FSTL1: variants seen among roughly 807,000 people sequenced by gnomAD.
FSTL1 encodes the protein follistatin-related protein 1.
A neutral mutation model predicts 45.9 loss-of-function variants in FSTL1; 24 were observed. The observed-to-expected ratio is 0.52, with a 90% CI of 0.38 to 0.74. The LOEUF (loss-of-function observed/expected upper bound fraction) is 0.74, where lower values mean the gene tolerates loss of function less well. Among genes scored for constraint, FSTL1 ranks in the 30% least tolerant of loss-of-function variants. The probability of loss-of-function intolerance (pLI) is 0.00; values close to 1 mark genes in which losing one functional copy is unlikely to be tolerated. For missense variants in FSTL1, 340 were observed against 381.8 expected (o/e 0.89, Z 0.91); for synonymous variants, 120 against 137.6 (o/e 0.87, Z 0.89).
At chr3:120,434,281 A>G (rs936173325) in intron 2 of FSTL1, among the ~76,000 whole-genome samples, 1 of 152,204 alleles carries the variant, frequency 6.6e-6, no homozygotes, top group African/African-American at 2.4e-5. Context: ...TCCTGGGTAC[A>G]TAAGTTGATA....
In FSTL1 at chr3:120,411,003, A is replaced by G; in HGVS notation, c.299-19T>C. ...TTCTTCTCTGCAAGACAAAAAGAGAAAACGTGTAATGCGAAGTGAAGGAAA... is the reference window on the plus strand; with the variant it reads ...TTCTTCTCTGCAAGACAAAAAGAGAGAACGTGTAATGCGAAGTGAAGGAAA... On this transcript the variant is annotated intron_variant, in intron 4 of 10. Transcript: ENST00000295633. 6.3e-7 allele frequency: 1 copy of G among 1,597,056 alleles called. No homozygotes were observed. Among genetic ancestry groups the G allele is most frequent in the Non-Finnish European group, 8.5e-7 (1 of 1,170,034 alleles).
intron 10 of FSTL1, among the ~76,000 whole-genome samples, chr3:120,397,735 C>G (rs754604818): frequency 2.0e-5 from 3 of 152,140 alleles, no homozygotes; most frequent in Non-Finnish European, 2.9e-5. Context: ...ACCGTATGAC[C>G]CAGCAATTCC....
chr3:120,410,121 C>G (rs1452507646), intron 5 of FSTL1: 1 of 160,934 alleles, frequency 6.2e-6, no homozygotes, highest in Non-Finnish European at 1.4e-5. Context: ...AACTTCCCCC[C>G]ACTTACAACT....
chr3:120,449,855 T>C (rs1302743952), intron 2 of FSTL1, among the ~76,000 whole-genome samples: 2 of 152,214 alleles, frequency 1.3e-5, no homozygotes, highest in Non-Finnish European at 2.9e-5. Context: ...TTTCCTGCCA[T>C]AATTATCAAA....
chr3:120,401,218 G>T (rs1164235505), intron 9 of FSTL1, among the ~76,000 whole-genome samples: 1 of 152,208 alleles, frequency 6.6e-6, no homozygotes, highest in Non-Finnish European at 1.5e-5. Flanking sequence ...GATGTGTTTT[G>T]TTGGTTTCAG....
chr3:120,425,202 G>C (rs1045171349), intron 2 of FSTL1, among the ~76,000 whole-genome samples: 2 of 152,098 alleles, frequency 1.3e-5, no homozygotes, highest in African/African-American at 4.8e-5. Flanking sequence ...GCAGTCAACA[G>C]CCTGCACAAT....
At chr3:120,412,052 TACATGCACACAC>T in intron 3 of FSTL1, 69 bp from the exon 4 acceptor site, 1 of 950,422 alleles carries the variant, frequency 1.1e-6, no homozygotes, top group Non-Finnish European at 1.6e-6. Flanking sequence ...CACACACACA[TACATGCACACAC>T]ACACACAGAG....
At chr3:120,429,173 C>A (rs943334227) in intron 2 of FSTL1, among the ~76,000 whole-genome samples, 1 of 152,216 alleles carries the variant, frequency 6.6e-6, no homozygotes, top group Non-Finnish European at 1.5e-5. Flanking sequence ...CATTCCCACC[C>A]CTGGAGCAAT....
rs560661481 is a variant in FSTL1 at position 120,434,697 on chromosome 3, C to CT, written c.63+15986dup. ...ATATATGGACTTCACTCACTACACA[C>CT]TTTGGGTCTAGGCTCTTCATGTCTC... On this transcript the variant is annotated intron_variant, in intron 2 of 10. Transcript: ENST00000295633. Among the ~76,000 whole-genome samples, 5 of 152,280 alleles carry CT rather than the reference C, an allele frequency of 3.3e-5. No homozygotes were observed. The South Asian group carries it at 1.0e-3, about 32-fold the overall frequency.
chr3:120,404,760 G>T, intron 7 of FSTL1, 93 bp downstream of exon 7: 1 of 745,932 alleles, frequency 1.3e-6, no homozygotes, highest in Non-Finnish European at 2.5e-6. Flanking sequence ...TTCTCTCACT[G>T]GTGGCTCTTT....
chr3:120,427,355 C>T (rs1050019509), intron 2 of FSTL1, among the ~76,000 whole-genome samples: 14 of 152,140 alleles, frequency 9.2e-5, no homozygotes, highest in African/African-American at 3.4e-4. Flanking sequence ...TCTGGCTGAA[C>T]TACAAGCTCC....
chr3:120,426,659 A>T (rs1937385964), intron 2 of FSTL1, among the ~76,000 whole-genome samples: 1 of 151,590 alleles, frequency 6.6e-6, no homozygotes, highest in Admixed American at 6.6e-5. Flanking sequence ...CAATTTGCAC[A>T]TGATTCCCCC....
In FSTL1 at chr3:120,393,221, G is replaced by A. The variant is rs1454081247; in HGVS notation, c.*3731C>T. ...GCCTTTTAATATTTGATTAGCATTT[G>A]GGTAATATCCCAAATCCAATCAAAG... On this transcript the variant is annotated 3_prime_UTR_variant, in exon 11 of 11. Transcript: ENST00000295633. 1 of 152,144 alleles carries A rather than the reference G, an allele frequency of 6.6e-6. No individual in the cohort carries two copies. The highest frequency in any genetic ancestry group is 1.5e-5 in the Non-Finnish European group (1 of 68,026). The allele number at this position is 152,144 out of a possible 1,614,324, so 9.4% of individuals were successfully genotyped here.
chr3:120,420,521 C>T (rs907342157), intron 2 of FSTL1, among the ~76,000 whole-genome samples: 1 of 152,146 alleles, frequency 6.6e-6, no homozygotes, highest in Non-Finnish European at 1.5e-5. Flanking sequence ...TCGTGTGTTG[C>T]AAGCCAAGCT....
rs2107654680 is a variant in FSTL1, at chr3:120,410,826, T to C, written c.331+126A>G. On this transcript the variant is annotated intron_variant, in intron 5 of 10. Transcript: ENST00000295633. ...CTGAGCTGTGTTGAGGAGTGGCCAGTTCTGGGACACAATTCTGATGCATAG... is the reference window on the plus strand; with the variant it reads ...CTGAGCTGTGTTGAGGAGTGGCCAGCTCTGGGACACAATTCTGATGCATAG... 3.6e-6 allele frequency: 3 copies of C among 830,902 alleles called. No individual in the cohort carries two copies. The South Asian group carries it at 4.0e-5, about 11-fold the overall frequency. The allele number at this position is 830,902 out of a possible 1,614,324, so 51.5% of individuals were successfully genotyped here. A position where few individuals can be genotyped will look rare whatever the true frequency, so the allele number is the denominator to read the frequency against.
At chr3:120,412,014 C>A in intron 3 of FSTL1, 31 bp from the exon 4 acceptor site, 1 of 1,594,202 alleles carries the variant, frequency 6.3e-7, no homozygotes, top group Non-Finnish European at 8.6e-7. Flanking sequence ...AATGTTTGTG[C>A]AGTTATGGAT....
chr3:120,429,291 C>G (rs61795714), intron 2 of FSTL1, among the ~76,000 whole-genome samples: 20,261 of 152,236 alleles, frequency 0.13, 1,401 homozygotes, highest in South Asian at 0.16. Context: ...CTGGGGCTTT[C>G]TGGAGCTGAG....
intron 2 of FSTL1, among the ~76,000 whole-genome samples, chr3:120,446,051 T>C (rs1212353895): frequency 7.2e-6 from 1 of 138,794 alleles, no homozygotes; most frequent in African/African-American, 3.5e-5. Flanking sequence ...GTACTTTTTT[T>C]CCCTATTAAC....
rs143922062 is a variant in FSTL1 at position 120,442,620 on chromosome 3, A to G, written c.63+8064T>C. On this transcript the variant is annotated intron_variant, in intron 2 of 10. Coordinates refer to ENST00000295633, the MANE Select transcript of FSTL1 (RefSeq NM_007085.5). Reference sequence around the variant, plus strand: ...CTAGGTGAAACCCCATCTCTACTAAAAACACAAAAATTAGCCGGGTGTGGT... The same window carrying G: ...CTAGGTGAAACCCCATCTCTACTAAGAACACAAAAATTAGCCGGGTGTGGT... Among the ~76,000 whole-genome samples, 854 of 151,830 alleles carry G rather than the reference A, an allele frequency of 5.6e-3. 13 individuals are homozygous for G. Among genetic ancestry groups the G allele is most frequent in the African/African-American group, 0.02 (819 of 41,380 alleles).
Sources: allele counts gnomAD v4.1 joint callset (sites outside exome capture counted in the v4.1 genomes callset), GRCh38; gene constraint gnomAD v4.1.1; transcripts MANE v1.5; gene names NCBI Gene and HGNC (gene_info 2026-07-23, HGNC 2026-07-21).